PEX13: variants seen among roughly 807,000 people sequenced by gnomAD.
PEX13 encodes the protein peroxisomal biogenesis factor 13.
A neutral mutation model predicts 34.5 loss-of-function variants in PEX13; 28 were observed. The observed-to-expected ratio is 0.81, with a 90% CI of 0.60 to 1.11. PEX13 has a LOEUF of 1.11. Among genes scored for constraint, PEX13 ranks in the 50% most tolerant of loss-of-function variants. PEX13 has a pLI of 0.00. For missense variants in PEX13, 550 were observed against 491.0 expected, an observed-to-expected ratio of 1.12 and a Z score of -1.13; for synonymous variants, 177 against 175.1, an observed-to-expected ratio of 1.01 and a Z score of -0.09.
intron 2 of PEX13, among the ~76,000 whole-genome samples, chr2:61,034,735 C>T (rs757243176): frequency 2.4e-4 from 36 of 152,336 alleles, no homozygotes; most frequent in Admixed American, 1.0e-3. Context: ...CAACCAGCAA[C>T]GCTGCAGCTT....
chr2:61,040,007 C>T (rs1272955380), intron 2 of PEX13, among the ~76,000 whole-genome samples: 1 of 152,186 alleles, frequency 6.6e-6, no homozygotes, highest in Non-Finnish European at 1.5e-5. Flanking sequence ...CATCACTGGT[C>T]ATCAGAGAAA....
chr2:61,021,713 T>G (rs1680267420), intron 1 of PEX13, among the ~76,000 whole-genome samples: 1 of 152,222 alleles, frequency 6.6e-6, no homozygotes, highest in Non-Finnish European at 1.5e-5. Flanking sequence ...ACAGACGGCC[T>G]CCTCAAGTGG....
At position 61,050,088 on chromosome 2, in the gene PEX13, G is replaced by A. The variant is rs187148085; in HGVS notation, c.*1318G>A. The A allele has an allele frequency of 6.6e-6, 1 of 152,184 alleles. No individual in the cohort carries two copies. Among genetic ancestry groups the A allele is most frequent in the East Asian group, 1.9e-4 (1 of 5,310 alleles). The allele number at this position is 152,184 out of a possible 1,614,324, so 9.4% of individuals were successfully genotyped here. A position where few individuals can be genotyped will look rare whatever the true frequency, so the allele number is the denominator to read the frequency against. ...TTATTTATAGTCTTAGTGCTCTATT[G>A]CCATTTAGAATATGATAATCCTCAT... On this transcript the variant is annotated 3_prime_UTR_variant, in exon 4 of 4. Coordinates refer to ENST00000295030, the MANE Select transcript of PEX13 (RefSeq NM_002618.4).
intron 1 of PEX13, among the ~76,000 whole-genome samples, chr2:61,023,656 A>G (rs1045403369): frequency 6.6e-6 from 1 of 150,612 alleles, no homozygotes; most frequent in Non-Finnish European, 1.5e-5. Flanking sequence ...TAAGACATTT[A>G]TTGTTTAGTT....
intron 3 of PEX13, among the ~76,000 whole-genome samples, chr2:61,046,738 T>A (rs181248761): frequency 2.0e-5 from 3 of 152,324 alleles, no homozygotes; most frequent in Non-Finnish European, 2.9e-5. Flanking sequence ...TTTGTCTAAC[T>A]TGAGACCTTG....
Position 61,048,709 on chromosome 2 carries a change from C to G in PEX13, c.1151C>G (p.Thr384Ser), listed in dbSNP as rs1680750357. 1 of 1,613,864 alleles carries G rather than the reference C, an allele frequency of 6.2e-7. No individual in the cohort carries two copies. The highest frequency in any genetic ancestry group is 8.5e-7 in the Non-Finnish European group (1 of 1,179,748). The change falls in exon 4 of 4, where the codon ACT becomes AGT. Residue 384 changes from threonine (T) to serine (S), a missense_variant. Physicochemically the swap from Thr to Ser is moderately conservative, Grantham distance 58. Transcript: ENST00000295030. ...EAAFESVFVETNKVPVAPDSI... is the reference protein window; with the variant it reads ...EAAFESVFVESNKVPVAPDSI... ...GCCTTTGAATCTGTTTTTGTTGAAA[C>G]TAATAAGGTTCCAGTTGCACCTGAT...
chr2:61,024,801 T>TC (rs1407717005), intron 1 of PEX13, among the ~76,000 whole-genome samples: 1 of 152,074 alleles, frequency 6.6e-6, no homozygotes, highest in Non-Finnish European at 1.5e-5. Flanking sequence ...AGAGTGAGAC[T>TC]CCATCTAAGA....
chr2:61,017,819 CGGACCGGGACCA>C lies in PEX13; in HGVS notation c.69_80del (p.Gly25_Pro28del), dbSNP rs1215796582. The C allele has an allele frequency of 5.8e-6, 9 of 1,550,434 alleles. No individual in the cohort carries two copies. The highest frequency in any genetic ancestry group is 4.9e-5 in the East Asian group (2 of 41,076). On this transcript the variant is annotated inframe_deletion, in exon 1 of 4. Coordinates refer to ENST00000295030, the MANE Select transcript of PEX13 (RefSeq NM_002618.4). ...GGGAGACCCGCCGAATTCCGGGAGC[CGGACCGGGACCA>C]GGACCGGGCCCCACTTTCCAGTGAG... is the stretch of plus-strand genomic sequence containing the variant.
At chr2:61,028,038 C>T (rs1401353530) in intron 1 of PEX13, among the ~76,000 whole-genome samples, 3 of 152,080 alleles carry the variant, frequency 2.0e-5, no homozygotes, top group South Asian at 2.1e-4. Context: ...GATGATGAAT[C>T]GATGCTAAAC....
At chr2:61,046,042 C>T (rs373682796) in intron 3 of PEX13, among the ~76,000 whole-genome samples, 191 bp downstream of exon 3, 2 of 152,116 alleles carry the variant, frequency 1.3e-5, no homozygotes, top group African/African-American at 4.8e-5. Context: ...CAGAGTTATT[C>T]GAATACTATT....
chr2:61,021,211 G>A (rs1029054986), intron 1 of PEX13, among the ~76,000 whole-genome samples: 6 of 152,136 alleles, frequency 3.9e-5, no homozygotes, highest in Non-Finnish European at 7.4e-5. Context: ...AAATCGAGGC[G>A]GGGCATCACC....
chr2:61,045,770 A>G lies in PEX13; in HGVS notation c.832A>G (p.Arg278Gly). The G allele has an allele frequency of 6.2e-7, 1 of 1,612,710 alleles. No homozygotes were observed. Among genetic ancestry groups the G allele is most frequent in the Non-Finnish European group, 8.5e-7 (1 of 1,178,662 alleles). Residue 278 changes from arginine to glycine, a missense_variant, in exon 3 of 4, where the codon AGA becomes GGA. Physicochemically the swap from Arg to Gly is moderately radical, Grantham distance 125 (BLOSUM62 -2). Coordinates refer to ENST00000295030, the MANE Select transcript of PEX13 (RefSeq NM_002618.4). Reference sequence around the variant, plus strand: ...TGGTGAGGATGACCATGTAGTTGCCAGAGCAGAATATGATTTTGCTGCCGT... The same window carrying G: ...TGGTGAGGATGACCATGTAGTTGCCGGAGCAGAATATGATTTTGCTGCCGT... ...ASGEDDHVVA[R>G]AEYDFAAVSE...
At chr2:61,041,759 C>T (rs1045068981) in intron 2 of PEX13, among the ~76,000 whole-genome samples, 2 of 152,036 alleles carry the variant, frequency 1.3e-5, no homozygotes, top group African/African-American at 4.8e-5. Flanking sequence ...GTGAGGAGAT[C>T]TGAGAATGTT....
At position 61,031,854 on chromosome 2, in the gene PEX13, A is replaced by G. The variant is rs747492565; in HGVS notation, c.528A>G (p.Thr176=). ...NHFSRLKIHF[T]KVFSAFALVR... ...TTTCCCGATTGAAAATACACTTTAC[A>G]AAAGTGTTTTCAGCTTTTGCATTGG... Residue 176 remains threonine (T), a synonymous_variant, in exon 2 of 4, where the codon ACA becomes ACG. Coordinates refer to ENST00000295030, the MANE Select transcript of PEX13 (RefSeq NM_002618.4). The G allele has an allele frequency of 6.2e-7, 1 of 1,611,514 alleles. No homozygotes were observed. Among genetic ancestry groups the G allele is most frequent in the South Asian group, 1.1e-5 (1 of 91,034 alleles).
At chr2:61,017,966 C>G in intron 1 of PEX13, 115 bp downstream of exon 1, 1 of 1,341,586 alleles carries the variant, frequency 7.5e-7, no homozygotes, top group Non-Finnish European at 1.0e-6. Flanking sequence ...AACCAATACC[C>G]AACCTTGGGG....
rs373349980 is a variant in PEX13, at chr2:61,050,317, A to T, written c.*1547A>T. The stretch of plus-strand genomic sequence containing the variant: ...CTTGAACCCGGGAGGCAGAGGTTGC[A>T]GGGAGCTGAGATCATGCCACTGCAC... On this transcript the variant is annotated 3_prime_UTR_variant, in exon 4 of 4. Transcript: ENST00000295030. 3.3e-5 allele frequency: 5 copies of T among 152,508 alleles called. No homozygotes were observed. The East Asian group carries it at 5.8e-4, about 18-fold the overall frequency. 9.4% of individuals were successfully genotyped at this position (152,508 alleles called of 1,614,324 possible). A position where few individuals can be genotyped will look rare whatever the true frequency, so the allele number is the denominator to read the frequency against.
At chr2:61,019,672 A>G (rs924335767) in intron 1 of PEX13, among the ~76,000 whole-genome samples, 11 of 152,300 alleles carry the variant, frequency 7.2e-5, no homozygotes, top group East Asian at 1.9e-4. Context: ...AATGCCATCT[A>G]TGTCATATCA....
intron 1 of PEX13, among the ~76,000 whole-genome samples, chr2:61,025,639 G>C (rs1220006390): frequency 6.6e-6 from 1 of 152,194 alleles, no homozygotes; most frequent in South Asian, 2.1e-4. Context: ...GATTATAGGA[G>C]TGAGCCACCA....
intron 2 of PEX13, among the ~76,000 whole-genome samples, chr2:61,039,861 T>G (rs1471931295): frequency 1.3e-5 from 2 of 152,072 alleles, no homozygotes; most frequent in Admixed American, 1.3e-4. Context: ...AGGGCTAATG[T>G]CTAGAATCTA....
Sources: gnomAD v4.1 joint callset for allele counts (sites outside exome capture counted in the v4.1 genomes callset) on GRCh38, gnomAD v4.1.1 for gene constraint, MANE v1.5 for transcripts, NCBI Gene and HGNC (gene_info 2026-07-23, HGNC 2026-07-21) for gene names.